Variants in RBFOX3 observed in about 807,000 individuals in gnomAD.
RBFOX3 encodes RNA binding protein fox-1 homolog 3.
RBFOX3 carries 17 observed loss-of-function variants against 48.7 expected under a neutral mutation model. That is an observed-to-expected ratio of 0.35 (90% CI 0.24 to 0.52). RBFOX3 has a LOEUF of 0.52. Among genes scored for constraint, RBFOX3 ranks in the 20% least tolerant of loss-of-function variants. RBFOX3 has a pLI of 0.94. For missense variants in RBFOX3, 382 were observed against 497.5 expected, an observed-to-expected ratio of 0.77 and a Z score of 2.21; for synonymous variants, 212 against 209.5, an observed-to-expected ratio of 1.01 and a Z score of -0.10.
chr17:79,558,015 G>A (rs1193482658), intron 1 of RBFOX3, among the ~76,000 whole-genome samples: 3 of 152,154 alleles, frequency 2.0e-5, no homozygotes, highest in African/African-American at 7.2e-5. Flanking sequence ...TCAAATCTAA[G>A]AGGAGAAAAA....
At chr17:79,268,211 C>T (rs1276002864) in intron 3 of RBFOX3, among the ~76,000 whole-genome samples, 1 of 152,164 alleles carries the variant, frequency 6.6e-6, no homozygotes, top group African/African-American at 2.4e-5. Flanking sequence ...CTGCTCAGGA[C>T]TGGCGGGTTG....
chr17:79,431,840 C>T (rs2068518937), intron 2 of RBFOX3, among the ~76,000 whole-genome samples: 1 of 152,226 alleles, frequency 6.6e-6, no homozygotes, highest in African/African-American at 2.4e-5. Flanking sequence ...CTTGAGTGTA[C>T]AGTCAGTGGC....
intron 1 of RBFOX3, among the ~76,000 whole-genome samples, chr17:79,556,917 G>C (rs925293274): frequency 2.6e-5 from 4 of 152,190 alleles, no homozygotes; most frequent in African/African-American, 9.6e-5. Flanking sequence ...GGCTTTCCAC[G>C]TCTGTCTCCA....
At chr17:79,126,910 C>A (rs1433259962) in intron 4 of RBFOX3, among the ~76,000 whole-genome samples, 1 of 152,220 alleles carries the variant, frequency 6.6e-6, no homozygotes, top group African/African-American at 2.4e-5. Flanking sequence ...CACCCGGCAC[C>A]GGGCTTTGCA....
chr17:79,168,600 G>A (rs974703618), intron 4 of RBFOX3, among the ~76,000 whole-genome samples: 1 of 152,202 alleles, frequency 6.6e-6, no homozygotes, highest in Non-Finnish European at 1.5e-5. Flanking sequence ...GAGGGGAGAG[G>A]GGTCACTGAG....
chr17:79,364,714 T>C lies in RBFOX3; in HGVS notation c.-174-56890A>G, dbSNP rs2057472904. Among the ~76,000 whole-genome samples, 1 of 152,080 alleles carries C rather than the reference T, an allele frequency of 6.6e-6. No homozygotes were observed. Among genetic ancestry groups the C allele is most frequent in the African/African-American group, 2.4e-5 (1 of 41,412 alleles). Reference sequence around the variant, plus strand: ...CTCTCCACTGATGGGGGACACCATATGGGGCTGGGGACCTAGAGGAACACA... The same window carrying C: ...CTCTCCACTGATGGGGGACACCATACGGGGCTGGGGACCTAGAGGAACACA... On this transcript the variant is annotated intron_variant, in intron 2 of 14. Transcript: ENST00000693108. The surrounding 1 kb of genome is among the most constrained non-coding windows in gnomAD (Gnocchi z 5.1).
At chr17:79,408,080 G>A (rs979077214) in intron 2 of RBFOX3, among the ~76,000 whole-genome samples, 11 of 152,144 alleles carry the variant, frequency 7.2e-5, no homozygotes, top group African/African-American at 2.7e-4. Context: ...TGAGACCCCA[G>A]GAAGCTGCTT....
At chr17:79,428,595 A>G (rs1357696649) in intron 2 of RBFOX3, among the ~76,000 whole-genome samples, 4 of 152,146 alleles carry the variant, frequency 2.6e-5, no homozygotes, top group African/African-American at 9.7e-5. Flanking sequence ...TGCACCCACA[A>G]AAAGCCTCCG....
intron 2 of RBFOX3, among the ~76,000 whole-genome samples, chr17:79,438,687 C>T (rs782058561): frequency 2.6e-5 from 4 of 152,220 alleles, no homozygotes; most frequent in Non-Finnish European, 5.9e-5. Flanking sequence ...CAGCAGGGGC[C>T]GTGCCTACAA....
intron 1 of RBFOX3, among the ~76,000 whole-genome samples, chr17:79,545,758 C>G (rs1439223845): frequency 6.6e-6 from 1 of 152,218 alleles, no homozygotes; most frequent in Non-Finnish European, 1.5e-5. Context: ...TGTCCTGAGC[C>G]TTCACCACCC....
intron 2 of RBFOX3, among the ~76,000 whole-genome samples, chr17:79,341,892 C>G (rs903041674): frequency 2.0e-5 from 3 of 152,234 alleles, no homozygotes; most frequent in Non-Finnish European, 4.4e-5. Flanking sequence ...TAACTCTATC[C>G]GTGAATGCAG....
Position 79,363,974 on chromosome 17 carries a change from C to T in RBFOX3, c.-174-56150G>A, listed in dbSNP as rs1194980182. ...ACAAATCACAGCCTGTGCTCCACCA[C>T]GCCCTCCTTTTCCACCAGGCTTTAT... On this transcript the variant is annotated intron_variant, in intron 2 of 14. Transcript: ENST00000693108. This position sits in a 1 kb window ranked among gnomAD's most constrained non-coding sequence, Gnocchi z 4.7. 6.6e-5 allele frequency among the ~76,000 whole-genome samples: 10 copies of T among 152,332 alleles called. No individual in the cohort carries two copies. Among genetic ancestry groups the T allele is most frequent in the Admixed American group, 2.6e-4 (4 of 15,306 alleles).
intron 2 of RBFOX3, among the ~76,000 whole-genome samples, chr17:79,368,360 G>C (rs550626454): frequency 6.6e-6 from 1 of 152,244 alleles, no homozygotes; most frequent in Non-Finnish European, 1.5e-5. Context: ...TGGGGGACCA[G>C]GAAGCCAGGA....
chr17:79,279,858 G>A (rs1322499594), intron 3 of RBFOX3, among the ~76,000 whole-genome samples: 3 of 152,220 alleles, frequency 2.0e-5, no homozygotes, highest in African/African-American at 7.2e-5. Context: ...AAGGACCCGT[G>A]TTGTCTAGGG....
At chr17:79,397,848 G>A (rs947469425) in intron 2 of RBFOX3, among the ~76,000 whole-genome samples, 26 of 152,250 alleles carry the variant, frequency 1.7e-4, no homozygotes, top group African/African-American at 5.5e-4. Flanking sequence ...TTGACAGTTC[G>A]ATGCCAGCAC....
chr17:79,405,122 TC>T (rs2063368735), intron 2 of RBFOX3, among the ~76,000 whole-genome samples: 3 of 152,128 alleles, frequency 2.0e-5, no homozygotes, highest in African/African-American at 7.2e-5. Context: ...CAGCTGATTT[TC>T]CCCCAACATT....
chr17:79,398,704 G>C (rs2062378578), intron 2 of RBFOX3, among the ~76,000 whole-genome samples: 1 of 152,192 alleles, frequency 6.6e-6, no homozygotes, highest in African/African-American at 2.4e-5. Context: ...AATTACCCTG[G>C]GAGATGTGAG....
At chr17:79,316,731 C>T (rs1297370654) in intron 2 of RBFOX3, among the ~76,000 whole-genome samples, 1 of 152,206 alleles carries the variant, frequency 6.6e-6, no homozygotes, top group Non-Finnish European at 1.5e-5. Flanking sequence ...AAATAAAACC[C>T]CTGGATATGC....
intron 2 of RBFOX3, among the ~76,000 whole-genome samples, chr17:79,461,850 T>C (rs1396636047): frequency 6.6e-6 from 1 of 152,060 alleles, no homozygotes; most frequent in Non-Finnish European, 1.5e-5. Flanking sequence ...GCTGGAGGGA[T>C]GCAGACACAG....
Sources: allele counts gnomAD v4.1 joint callset (sites outside exome capture counted in the v4.1 genomes callset), GRCh38; gene constraint gnomAD v4.1.1; non-coding constraint Gnocchi (gnomAD v3.1); transcripts MANE v1.5; gene names NCBI Gene and HGNC (gene_info 2026-07-23, HGNC 2026-07-21).